ADGRB3: variants seen among roughly 807,000 people sequenced by gnomAD.
ADGRB3 encodes the protein adhesion G protein-coupled receptor B3.
ADGRB3 carries 37 observed loss-of-function variants against 193.4 expected under a neutral mutation model. The observed-to-expected ratio is 0.19, with a 90% CI of 0.15 to 0.25. ADGRB3 has a LOEUF of 0.25. Among genes scored for constraint, ADGRB3 ranks in the 10% least tolerant of loss-of-function variants. ADGRB3 has a pLI of 1.00. For synonymous variants in ADGRB3, 690 were observed against 644.2 expected (o/e 1.07, Z -1.08); for missense variants, 1,637 against 1,852.9 (o/e 0.88, Z 2.14).
intron 3 of ADGRB3, among the ~76,000 whole-genome samples, chr6:68,773,592 C>G (rs1766681116): frequency 6.6e-6 from 1 of 152,122 alleles, no homozygotes; most frequent in Admixed American, 6.6e-5. Context: ...GAAATTTATG[C>G]TCTCTCCATT....
chr6:69,055,879 G>C (rs1272892671), intron 15 of ADGRB3, among the ~76,000 whole-genome samples: 1 of 152,048 alleles, frequency 6.6e-6, no homozygotes. Context: ...GCACAGGCTA[G>C]AGTGCAGTGG....
chr6:69,341,709 C>T (rs899062822), intron 26 of ADGRB3, among the ~76,000 whole-genome samples: 4 of 152,088 alleles, frequency 2.6e-5, no homozygotes, highest in Admixed American at 6.6e-5. Flanking sequence ...CTATAACTAT[C>T]TTATGGGTCT....
intron 20 of ADGRB3, among the ~76,000 whole-genome samples, chr6:69,262,952 G>A (rs1040285076): frequency 2.0e-5 from 3 of 151,700 alleles, no homozygotes; most frequent in South Asian, 2.1e-4. Context: ...TACATATAGC[G>A]TTTTCTAAAA....
intron 3 of ADGRB3, among the ~76,000 whole-genome samples, chr6:68,733,051 T>A (rs1292120074): frequency 6.6e-6 from 1 of 151,650 alleles, no homozygotes; most frequent in Non-Finnish European, 1.5e-5. Flanking sequence ...TAATTTTGAT[T>A]TTACAGTATG....
intron 3 of ADGRB3, among the ~76,000 whole-genome samples, chr6:68,752,112 T>C (rs9454614): frequency 0.012 from 1,849 of 152,230 alleles, 46 homozygotes; most frequent in African/African-American, 0.04. Context: ...GGCATAAAAA[T>C]TTGAGGTGAT....
intron 3 of ADGRB3, among the ~76,000 whole-genome samples, chr6:68,687,373 C>T (rs1171084546): frequency 6.6e-6 from 1 of 151,930 alleles, no homozygotes; most frequent in Non-Finnish European, 1.5e-5. Flanking sequence ...TATGAAAAAA[C>T]TATGCATGGA....
At chr6:68,686,208 A>G (rs929692248) in intron 3 of ADGRB3, among the ~76,000 whole-genome samples, 1 of 150,056 alleles carries the variant, frequency 6.7e-6, no homozygotes, top group African/African-American at 2.4e-5. Flanking sequence ...GTGGAGAAGG[A>G]GTCTCTGGTG....
At chr6:68,953,480 C>G (rs993904860) in intron 6 of ADGRB3, among the ~76,000 whole-genome samples, 1 of 152,158 alleles carries the variant, frequency 6.6e-6, no homozygotes, top group Non-Finnish European at 1.5e-5. Context: ...CTTCATACTG[C>G]AAGCTCAATA....
intron 17 of ADGRB3, among the ~76,000 whole-genome samples, chr6:69,099,688 A>G (rs916107202): frequency 1.3e-5 from 2 of 152,178 alleles, no homozygotes; most frequent in Non-Finnish European, 2.9e-5. Context: ...TTTGCGTTTA[A>G]CAAATGGGGC....
rs149643167 is a variant in ADGRB3, at chr6:69,204,945, T to C, written c.2481-28345T>C. Among the ~76,000 whole-genome samples the C allele has an allele frequency of 7.4e-3, 1,126 of 152,294 alleles. 12 individuals carry two copies. The highest frequency in any genetic ancestry group is 0.025 in the African/African-American group (1,048 of 41,570). On this transcript the variant is annotated intron_variant, in intron 17 of 31. Coordinates refer to ENST00000370598, the MANE Select transcript of ADGRB3 (RefSeq NM_001704.3). ...TTTTCAATTTCTGAAAATCATACTG[T>C]GCCTGTTAAGACATTCCTAATGTAA...
intron 3 of ADGRB3, among the ~76,000 whole-genome samples, chr6:68,861,736 C>T (rs1223906872): frequency 6.6e-6 from 1 of 152,124 alleles, no homozygotes; most frequent in Admixed American, 6.6e-5. Context: ...GACCATTAGT[C>T]TAACATAATT....
chr6:68,826,803 T>C (rs1299484607), intron 3 of ADGRB3, among the ~76,000 whole-genome samples: 1 of 152,074 alleles, frequency 6.6e-6, no homozygotes, highest in Admixed American at 6.6e-5. Flanking sequence ...TGTATGTGGG[T>C]GTGAAATAGA....
intron 3 of ADGRB3, among the ~76,000 whole-genome samples, chr6:68,910,574 AT>A (rs1766674179): frequency 2.0e-5 from 3 of 152,132 alleles, no homozygotes; most frequent in Admixed American, 2.0e-4. Context: ...TCTTGAATTA[AT>A]TTTTGTATAA....
intron 3 of ADGRB3, among the ~76,000 whole-genome samples, chr6:68,664,114 T>C (rs1308669596): frequency 6.6e-6 from 1 of 151,838 alleles, no homozygotes; most frequent in Non-Finnish European, 1.5e-5. Flanking sequence ...TTGTCTTAAT[T>C]TACTTTTATT....
intron 20 of ADGRB3, among the ~76,000 whole-genome samples, chr6:69,259,482 C>T (rs1342459044): frequency 6.6e-6 from 1 of 151,842 alleles, no homozygotes; most frequent in Non-Finnish European, 1.5e-5. Context: ...GATCACGAGG[C>T]CAGGAGATCG....
chr6:69,019,722 C>T (rs1770204800), intron 13 of ADGRB3, among the ~76,000 whole-genome samples: 1 of 151,934 alleles, frequency 6.6e-6, no homozygotes. Flanking sequence ...TCTTCTGAGC[C>T]TATTGGAGGG....
Position 69,040,703 on chromosome 6 carries a change from A to C in ADGRB3, c.2108-7482A>C, listed in dbSNP as rs1041402976. 1.4e-4 allele frequency among the ~76,000 whole-genome samples: 15 copies of C among 110,586 alleles called. No individual in the cohort carries two copies. The East Asian group carries it at 1.8e-3, about 13-fold the overall frequency. 72.5% of individuals were successfully genotyped at this position (110,586 alleles called of 152,430 possible). A position where few individuals can be genotyped will look rare whatever the true frequency, so the allele number is the denominator to read the frequency against. On this transcript the variant is annotated intron_variant, in intron 13 of 31. Coordinates refer to ENST00000370598, the MANE Select transcript of ADGRB3 (RefSeq NM_001704.3). ...AAAAAAAAAAAAAAAAAAAAAAAAA[A>C]AAAAAACAAACAAGAATTTGAAGTT...
At chr6:69,221,747 AGG>A (rs1033308326) in intron 17 of ADGRB3, among the ~76,000 whole-genome samples, 2 of 152,190 alleles carry the variant, frequency 1.3e-5, no homozygotes, top group African/African-American at 2.4e-5. Context: ...TTTTGAAAGA[AGG>A]TGTTCTTCTG....
chr6:69,157,694 T>A (rs1463215896), intron 17 of ADGRB3, among the ~76,000 whole-genome samples: 2 of 143,764 alleles, frequency 1.4e-5, no homozygotes, highest in Admixed American at 7.0e-5. Context: ...AAGTAATATC[T>A]CTCTGTAAAA....
Sources: allele counts gnomAD v4.1 joint callset (sites outside exome capture counted in the v4.1 genomes callset), GRCh38; gene constraint gnomAD v4.1.1; transcripts MANE v1.5; gene names NCBI Gene and HGNC (gene_info 2026-07-23, HGNC 2026-07-21).